CSGALNACT1: variants seen among roughly 807,000 people sequenced by gnomAD.
The protein encoded by CSGALNACT1 is beta4GalNAcT-1.
A neutral mutation model predicts 51.0 loss-of-function variants in CSGALNACT1; 52 were observed. That is an observed-to-expected ratio of 1.02 (90% CI 0.82 to 1.29). CSGALNACT1 has a LOEUF of 1.29. CSGALNACT1 is among the 50% of genes most tolerant of loss of function. The pLI, the probability that CSGALNACT1 is intolerant of heterozygous loss-of-function variation, is 0.00. For missense variants in CSGALNACT1, 935 were observed against 679.2 expected, an observed-to-expected ratio of 1.38 and a Z score of -4.19; for synonymous variants, 341 against 254.4, an observed-to-expected ratio of 1.34 and a Z score of -3.24.
At chr8:19,601,051 T>C (rs1430186089) in intron 2 of CSGALNACT1, among the ~76,000 whole-genome samples, 5 of 152,244 alleles carry the variant, frequency 3.3e-5, no homozygotes, top group Non-Finnish European at 7.3e-5. Flanking sequence ...ATGTCAACAT[T>C]AATGATATTT....
intron 1 of CSGALNACT1, among the ~76,000 whole-genome samples, chr8:19,701,023 G>C (rs983414371): frequency 6.6e-6 from 1 of 152,102 alleles, no homozygotes; most frequent in African/African-American, 2.4e-5. Flanking sequence ...TATTCAGCTT[G>C]CAGGTGCCTT....
intron 3 of CSGALNACT1, among the ~76,000 whole-genome samples, chr8:19,515,848 C>T (rs2079420057): frequency 6.6e-6 from 1 of 152,126 alleles, no homozygotes; most frequent in East Asian, 1.9e-4. Context: ...TCAGGAAGAC[C>T]TAAGGCAGGT....
At chr8:19,586,057 A>T (rs1387362934) in intron 3 of CSGALNACT1, among the ~76,000 whole-genome samples, 1 of 152,150 alleles carries the variant, frequency 6.6e-6, no homozygotes, top group Non-Finnish European at 1.5e-5. Flanking sequence ...AACATGCTTA[A>T]CATCAAAAAG....
At chr8:19,417,171 G>A (rs1376425206) in intron 8 of CSGALNACT1, among the ~76,000 whole-genome samples, 2 of 152,086 alleles carry the variant, frequency 1.3e-5, no homozygotes, top group South Asian at 2.1e-4. Context: ...TGATTCTTAA[G>A]ACGTGAAAAA....
At chr8:19,748,957 T>G (rs2064860768) in intron 1 of CSGALNACT1, among the ~76,000 whole-genome samples, 1 of 149,550 alleles carries the variant, frequency 6.7e-6, no homozygotes, top group African/African-American at 2.5e-5. Context: ...AGAGTGAGAC[T>G]CCATCTCAAA....
intron 1 of CSGALNACT1, among the ~76,000 whole-genome samples, chr8:19,675,857 G>A (rs868226865): frequency 6.6e-6 from 1 of 152,006 alleles, no homozygotes; most frequent in Middle Eastern, 3.4e-3. Context: ...TCACATGCGG[G>A]CAGGACACAC....
intron 6 of CSGALNACT1, among the ~76,000 whole-genome samples, chr8:19,435,891 C>T (rs1027234951): frequency 2.6e-5 from 4 of 152,192 alleles, no homozygotes; most frequent in South Asian, 2.1e-4. Flanking sequence ...CACACACACA[C>T]ACGCACACAC....
intron 4 of CSGALNACT1, among the ~76,000 whole-genome samples, chr8:19,459,697 C>T (rs2064958087): frequency 6.6e-6 from 1 of 152,172 alleles, no homozygotes; most frequent in Non-Finnish European, 1.5e-5. Context: ...AAAATTACTT[C>T]ATGCTCCTGT....
At chr8:19,535,547 A>G (rs2083567850) in intron 3 of CSGALNACT1, among the ~76,000 whole-genome samples, 1 of 152,244 alleles carries the variant, frequency 6.6e-6, no homozygotes, top group African/African-American at 2.4e-5. Flanking sequence ...GTCCATTAAT[A>G]ACAATAAAAC....
chr8:19,588,358 C>T (rs1181681642), intron 3 of CSGALNACT1, among the ~76,000 whole-genome samples: 1 of 152,116 alleles, frequency 6.6e-6, no homozygotes. Flanking sequence ...CATATTCTAG[C>T]CAGTGAGAAC....
intron 1 of CSGALNACT1, among the ~76,000 whole-genome samples, chr8:19,742,767 T>A (rs2064393287): frequency 6.6e-6 from 1 of 152,220 alleles, no homozygotes; most frequent in South Asian, 2.1e-4. Context: ...CAAAATACAT[T>A]ATATCTGTGA....
At chr8:19,745,793 C>G (rs577879678) in intron 1 of CSGALNACT1, among the ~76,000 whole-genome samples, 1 of 152,208 alleles carries the variant, frequency 6.6e-6, no homozygotes, top group Admixed American at 6.5e-5. Flanking sequence ...AGAGAAAACG[C>G]GTATTGCAAG....
intron 1 of CSGALNACT1, among the ~76,000 whole-genome samples, chr8:19,620,790 T>G (rs541151166): frequency 2.0e-4 from 31 of 152,126 alleles, no homozygotes; most frequent in African/African-American, 7.5e-4. Context: ...CAGTTAAGGG[T>G]AGTGGGTGAG....
At chr8:19,682,875 A>C (rs185892728), upstream of CSGALNACT1, 13 of 374,796 alleles carry the variant, frequency 3.5e-5, no homozygotes, top group East Asian at 6.6e-4. Context: ...TCACAGGTCC[A>C]ACTGCAGACC....
chr8:19,575,289 A>C (rs1296244110), intron 3 of CSGALNACT1, among the ~76,000 whole-genome samples: 1 of 152,168 alleles, frequency 6.6e-6, no homozygotes, highest in Non-Finnish European at 1.5e-5. Context: ...TCCTCCTGGG[A>C]AGTTAGCAAC....
At chr8:19,605,339 G>A (rs917829513), upstream of CSGALNACT1, among the ~76,000 whole-genome samples, 4 of 152,178 alleles carry the variant, frequency 2.6e-5, no homozygotes, top group Admixed American at 1.3e-4. Flanking sequence ...AGGAGACTGA[G>A]GCATGAGAAT....
exon 10 of CSGALNACT1, chr8:19,404,592 G>A: frequency 2.3e-6 from 1 of 434,392 alleles, no homozygotes; most frequent in Non-Finnish European, 4.5e-6. Context: ...TCTGGCAGAT[G>A]GATTGATCTT....
chr8:19,549,639 C>T (rs981375734), intron 3 of CSGALNACT1, among the ~76,000 whole-genome samples: 3 of 144,810 alleles, frequency 2.1e-5, no homozygotes, highest in Admixed American at 6.9e-5. Flanking sequence ...ACTTTCTTCA[C>T]TTTCCCCAAT....
chr8:19,497,249 G>C (rs1448695756), intron 4 of CSGALNACT1, among the ~76,000 whole-genome samples: 2 of 152,126 alleles, frequency 1.3e-5, no homozygotes, highest in African/African-American at 4.8e-5. Context: ...AATATTGCTG[G>C]GAGTGAGAGA....
Sources: gnomAD v4.1 joint callset for allele counts (sites outside exome capture counted in the v4.1 genomes callset) on GRCh38, gnomAD v4.1.1 for gene constraint, MANE v1.5 for transcripts, NCBI Gene and HGNC (gene_info 2026-07-23, HGNC 2026-07-21) for gene names.